NBEAL1: variants seen among roughly 807,000 people sequenced by gnomAD.
NBEAL1 encodes neurobeachin like 1.
A neutral mutation model predicts 351.3 loss-of-function variants in NBEAL1; 273 were observed. The observed-to-expected ratio is 0.78, with a 90% CI of 0.70 to 0.86. NBEAL1 has a LOEUF of 0.86. Among genes scored for constraint, NBEAL1 ranks in the 40% least tolerant of loss-of-function variants. The pLI, the probability that NBEAL1 is intolerant of heterozygous loss-of-function variation, is 0.00. For synonymous variants in NBEAL1, 1,050 were observed against 1,086.4 expected, an observed-to-expected ratio of 0.97 and a Z score of 0.66; for missense variants, 2,961 against 3,201.3, an observed-to-expected ratio of 0.92 and a Z score of 1.81.
intron 26 of NBEAL1, 120 bp from the exon 27 acceptor site, chr2:203,132,938 C>T (rs539182562): frequency 1.7e-6 from 1 of 585,706 alleles, no homozygotes; most frequent in South Asian, 2.3e-5. Flanking sequence ...TTTGAACATA[C>T]CTATAATTCA....
chr2:203,187,367 G>GTTTT lies in NBEAL1; in HGVS notation c.6706-1087_6706-1084dup, dbSNP rs71034225. On this transcript the variant is annotated intron_variant, in intron 44 of 55. Transcript: ENST00000683969. ...GCCACCATGCCTGGCTCTTGCAATG[G>GTTTT]TTTTTTTTTTTTTTTTTTTTTGAAT... Among the ~76,000 whole-genome samples the GTTTT allele has an allele frequency of 1.4e-3, 126 of 87,736 alleles. 3 individuals carry two copies. Among genetic ancestry groups the GTTTT allele is most frequent in the South Asian group, 1.9e-3 (4 of 2,106 alleles). 57.6% of individuals were successfully genotyped at this position (87,736 alleles called of 152,430 possible). A position where few individuals can be genotyped will look rare whatever the true frequency, so the allele number is the denominator to read the frequency against.
At chr2:203,112,913 ATTTAT>A in intron 16 of NBEAL1, 97 bp from the exon 17 acceptor site, 1 of 1,113,716 alleles carries the variant, frequency 9.0e-7, no homozygotes, top group Non-Finnish European at 1.2e-6. Flanking sequence ...TTTTCAATGT[ATTTAT>A]TTGTGTAATT....
At position 203,016,239 on chromosome 2, in the gene NBEAL1, A is replaced by G. The variant is rs2060678564; in HGVS notation, c.-146A>G. ...GCCTTTTTGTTTTTAACCAGAGGACAGTCCATTTGTTTCACTTCTTTTTGC... is the reference window on the plus strand; with the variant it reads ...GCCTTTTTGTTTTTAACCAGAGGACGGTCCATTTGTTTCACTTCTTTTTGC... On this transcript the variant is annotated 5_prime_UTR_variant, in exon 2 of 56. Coordinates refer to ENST00000683969, the MANE Select transcript of NBEAL1 (RefSeq NM_001378026.1). 1 of 453,438 alleles carries G rather than the reference A, an allele frequency of 2.2e-6. No homozygotes were observed. The highest frequency in any genetic ancestry group is 2.0e-5 in the African/African-American group (1 of 50,162). The allele number at this position is 453,438 out of a possible 1,614,324, so 28.1% of individuals were successfully genotyped here. A position where few individuals can be genotyped will look rare whatever the true frequency, so the allele number is the denominator to read the frequency against.
At position 203,149,279 on chromosome 2, in the gene NBEAL1, T is replaced by A. The variant is rs945050653; in HGVS notation, c.5462+131T>A. 9.8e-6 allele frequency: 6 copies of A among 611,746 alleles called. No individual in the cohort carries two copies. The East Asian group carries it at 1.1e-4, about 12-fold the overall frequency. 37.9% of individuals were successfully genotyped at this position (611,746 alleles called of 1,614,324 possible). Reference sequence around the variant, plus strand: ...CATAAAAGGGTGCTTTTAATCTTATTTATTGTCTTTCCATGAATTATAGGT... The same window carrying A: ...CATAAAAGGGTGCTTTTAATCTTATATATTGTCTTTCCATGAATTATAGGT... On this transcript the variant is annotated intron_variant, in intron 34 of 55. Coordinates refer to ENST00000683969, the MANE Select transcript of NBEAL1 (RefSeq NM_001378026.1).
chr2:203,053,508 T>C (rs188277384), intron 4 of NBEAL1, among the ~76,000 whole-genome samples: 14 of 152,154 alleles, frequency 9.2e-5, no homozygotes, highest in East Asian at 3.9e-4. Flanking sequence ...TCGTCGTCGT[T>C]GTTGTTGTTG....
At chr2:203,187,301 A>G (rs1273439553) in intron 44 of NBEAL1, among the ~76,000 whole-genome samples, 1 of 141,414 alleles carries the variant, frequency 7.1e-6, no homozygotes, top group Non-Finnish European at 1.5e-5. Context: ...CAAGCGATCC[A>G]CCTGCTTTGG....
chr2:203,207,470 G>T (rs960541804), intron 51 of NBEAL1, among the ~76,000 whole-genome samples: 1 of 152,118 alleles, frequency 6.6e-6, no homozygotes. Context: ...GGAATAGAAA[G>T]GGGGGAAAGG....
In NBEAL1 at chr2:203,208,758, G is replaced by A. The variant is rs2065684924; in HGVS notation, c.7623+5G>A. The A allele has an allele frequency of 6.4e-7, 1 of 1,559,532 alleles. No homozygotes were observed. On this transcript the variant is annotated splice_donor_5th_base_variant and intron_variant, in intron 52 of 55. Coordinates refer to ENST00000683969, the MANE Select transcript of NBEAL1 (RefSeq NM_001378026.1). The stretch of plus-strand genomic sequence containing the variant: ...ATGGCAGTGTCAGGATCAAGGGTAA[G>A]ATTTCACCTTTAAGAAATACTATTT...
At position 203,144,909 on chromosome 2, in the gene NBEAL1, A is replaced by T. The variant is rs773968812; in HGVS notation, c.5154+4A>T. 1 of 1,566,856 alleles carries T rather than the reference A, an allele frequency of 6.4e-7. No individual in the cohort carries two copies. The highest frequency in any genetic ancestry group is 2.3e-5 in the East Asian group (1 of 44,372). On this transcript the variant is annotated splice_donor_region_variant and intron_variant, in intron 32 of 55. Coordinates refer to ENST00000683969, the MANE Select transcript of NBEAL1 (RefSeq NM_001378026.1). The stretch of plus-strand genomic sequence containing the variant: ...GCAAGTTTACATTGAAAAATATGTA[A>T]GTTTTATCTTTTTTGATCAAGATTT...
intron 45 of NBEAL1, among the ~76,000 whole-genome samples, chr2:203,190,034 G>A (rs1249350640): frequency 6.6e-6 from 1 of 151,906 alleles, no homozygotes; most frequent in Non-Finnish European, 1.5e-5. Flanking sequence ...TACTCAGGAG[G>A]CTGAGGGAGG....
Position 203,201,499 on chromosome 2 carries a change from C to T in NBEAL1, c.7239-44C>T, listed in dbSNP as rs555340946. 1.4e-5 allele frequency: 20 copies of T among 1,424,594 alleles called. No homozygotes were observed. In the African/African-American group the frequency reaches 1.6e-4, roughly 11 times the overall value. The allele number at this position is 1,424,594 out of a possible 1,614,324, so 88.2% of individuals were successfully genotyped here. ...AAAAAGAATAGTTCACATCAGTATA[C>T]GTGATCTTGTAAGGAAAAGTCTGAT... is the stretch of plus-strand genomic sequence containing the variant. On this transcript the variant is annotated intron_variant, in intron 49 of 55. Coordinates refer to ENST00000683969, the MANE Select transcript of NBEAL1 (RefSeq NM_001378026.1).
chr2:203,197,498 G>A, intron 48 of NBEAL1, 107 bp downstream of exon 48: 1 of 706,434 alleles, frequency 1.4e-6, no homozygotes, highest in Non-Finnish European at 2.4e-6. Flanking sequence ...GCTGTGCATG[G>A]TGGTTCATGC....
At chr2:203,168,755 A>G (rs1309031409) in intron 38 of NBEAL1, among the ~76,000 whole-genome samples, 2 of 150,932 alleles carry the variant, frequency 1.3e-5, no homozygotes. Context: ...TTAGCTGGGC[A>G]TGGTGATGCA....
At chr2:203,157,449 CAAAT>C (rs1458117678) in intron 35 of NBEAL1, among the ~76,000 whole-genome samples, 2 of 151,914 alleles carry the variant, frequency 1.3e-5, no homozygotes, top group Non-Finnish European at 2.9e-5. Flanking sequence ...ATTTCTGAAA[CAAAT>C]AATACTGTTA....
intron 31 of NBEAL1, among the ~76,000 whole-genome samples, chr2:203,139,205 G>A (rs1559397311): frequency 6.6e-6 from 1 of 151,244 alleles, no homozygotes; most frequent in Non-Finnish European, 1.5e-5. Context: ...TACCTACAAA[G>A]TACTAAGCAT....
chr2:203,176,667 G>A (rs1024479519), intron 42 of NBEAL1, among the ~76,000 whole-genome samples: 4 of 151,366 alleles, frequency 2.6e-5, no homozygotes, highest in Non-Finnish European at 5.9e-5. Context: ...GGGAGGCGGA[G>A]GTTGCAGTGA....
At chr2:203,136,281 T>G in intron 28 of NBEAL1, 29 bp downstream of exon 28, 1 of 1,457,524 alleles carries the variant, frequency 6.9e-7, no homozygotes, top group Non-Finnish European at 9.2e-7. Flanking sequence ...CCAAATGTTG[T>G]TTTTATTTTC....
In NBEAL1 at chr2:203,127,850, A is replaced by C; in HGVS notation, c.3318A>C (p.Leu1106=). The part of the protein sequence containing the change: ...IRTIRTSLYG[L]IKYFLCKGGS... ...CAATAAGGACTTCTTTGTATGGACT[A>C]ATTAAATATTTTCTGTGCAAAGGTG... The change falls in exon 24 of 56, where the codon CTA becomes CTC. Residue 1106 remains leucine, a synonymous_variant. Transcript: ENST00000683969. The C allele has an allele frequency of 6.5e-7, 1 of 1,543,650 alleles. No individual in the cohort carries two copies. Among genetic ancestry groups the C allele is most frequent in the Non-Finnish European group, 8.8e-7 (1 of 1,138,014 alleles).
chr2:203,074,739 T>A, intron 7 of NBEAL1: 1 of 168,812 alleles, frequency 5.9e-6, no homozygotes. Context: ...CAGGAGGCAG[T>A]CTAACATATG....
Sources: allele counts gnomAD v4.1 joint callset (sites outside exome capture counted in the v4.1 genomes callset), GRCh38; gene constraint gnomAD v4.1.1; transcripts MANE v1.5; gene names NCBI Gene and HGNC (gene_info 2026-07-23, HGNC 2026-07-21).